The following PTPRQ variants were observed in gnomAD, a reference collection of about 807,000 sequenced individuals.
The protein encoded by PTPRQ is protein tyrosine phosphatase receptor type Q.
In PTPRQ, 199 loss-of-function variants were observed where a neutral mutation model predicts 246.0. The observed-to-expected ratio is 0.81, with a 90% confidence interval of 0.72 to 0.91. The LOEUF is 0.91. Ranked by LOEUF, PTPRQ falls within the 40% of genes least tolerant of loss-of-function variation. The pLI is 0.00. For synonymous variants in PTPRQ, 869 were observed against 853.2 expected, an observed-to-expected ratio of 1.02 and a Z score of -0.32; for missense variants, 2,624 against 2,528.4, an observed-to-expected ratio of 1.04 and a Z score of -0.81.
intron 10 of PTPRQ, among the ~76,000 whole-genome samples, chr12:80,494,447 CTTTA>C (rs1000914420): frequency 6.6e-5 from 10 of 152,050 alleles, no homozygotes; most frequent in Admixed American, 6.6e-5. Flanking sequence ...AAATAAAACT[CTTTA>C]TTTATTTAAC....
intron 26 of PTPRQ, among the ~76,000 whole-genome samples, chr12:80,600,812 T>C (rs1898117427): frequency 6.6e-6 from 1 of 151,818 alleles, no homozygotes; most frequent in South Asian, 2.1e-4. Context: ...GTCTTTTTGT[T>C]CACAATAGCC....
chr12:80,537,246 C>A (rs1012106038), intron 19 of PTPRQ, among the ~76,000 whole-genome samples: 4 of 152,184 alleles, frequency 2.6e-5, no homozygotes, highest in Non-Finnish European at 5.9e-5. Flanking sequence ...ACCTTCACTA[C>A]CTAATTTTCT....
intron 25 of PTPRQ, among the ~76,000 whole-genome samples, chr12:80,555,023 C>A (rs1042934348): frequency 6.6e-6 from 1 of 152,010 alleles, no homozygotes; most frequent in Non-Finnish European, 1.5e-5. Flanking sequence ...AAGCAATTCT[C>A]GTGCCTCAGG....
At chr12:80,450,977 G>A (rs966680517) in intron 3 of PTPRQ, among the ~76,000 whole-genome samples, 6 of 152,186 alleles carry the variant, frequency 3.9e-5, no homozygotes, top group African/African-American at 1.4e-4. Context: ...TTGTACCTCT[G>A]GTAGAATTCG....
In PTPRQ at chr12:80,616,225, C is replaced by T. The variant is rs149643103; in HGVS notation, c.5189C>T (p.Ala1730Val). ...GTTTACGCAGTCAATAGTGCTGGTGCAGGTCCAAAGGTTCCGATGAGAATA... is the reference window on the plus strand; with the variant it reads ...GTTTACGCAGTCAATAGTGCTGGTGTAGGTCCAAAGGTTCCGATGAGAATA... Reference protein sequence around the residue: ...ISVYAVNSAGAGPKVPMRITM... With the variant: ...ISVYAVNSAGVGPKVPMRITM... The change falls in exon 30 of 45, where the codon GCA becomes GTA. Residue 1730 changes from alanine (A) to valine (V), a missense_variant. Physicochemically the swap from Ala to Val is moderately conservative, Grantham distance 64. Coordinates refer to ENST00000644991, the MANE Select transcript of PTPRQ (RefSeq NM_001145026.2). 11 of 1,489,794 alleles carry T rather than the reference C, an allele frequency of 7.4e-6. No individual in the cohort carries two copies. In the African/African-American group the frequency reaches 1.4e-4, roughly 19 times the overall value. 92.3% of individuals were successfully genotyped at this position (1,489,794 alleles called of 1,614,324 possible).
chr12:80,569,932 G>A (rs537203747), intron 25 of PTPRQ, among the ~76,000 whole-genome samples: 60 of 151,738 alleles, frequency 4.0e-4, no homozygotes, highest in African/African-American at 1.2e-3. Context: ...TTATGGCTGC[G>A]TAGTATTCCA....
intron 25 of PTPRQ, among the ~76,000 whole-genome samples, chr12:80,569,933 T>C (rs1046119343): frequency 1.3e-5 from 2 of 152,216 alleles, no homozygotes; most frequent in Non-Finnish European, 2.9e-5. Flanking sequence ...TATGGCTGCG[T>C]AGTATTCCAT....
chr12:80,620,289 A>G lies in PTPRQ; in HGVS notation c.5525A>G (p.Tyr1842Cys). 3 of 1,549,644 alleles carry G rather than the reference A, an allele frequency of 1.9e-6. No homozygotes were observed. The highest frequency in any genetic ancestry group is 2.6e-6 in the Non-Finnish European group (3 of 1,145,626). ...AAGTTTAGTGGCAATGAAGAAATCT[A>G]CATCATAGGTGCTGATAATGCATGC... ...KTKFSGNEEI[Y>C]IIGADNACMI... is the part of the protein sequence containing the mutation. The change falls in exon 32 of 45, where the codon TAC (tyrosine) becomes TGC (cysteine). Residue 1842 changes from tyrosine to cysteine, a missense_variant. Tyr to Cys is a radical substitution (Grantham distance 194). Transcript: ENST00000644991.
chr12:80,534,225 A>G (rs751819133), intron 18 of PTPRQ, 50 bp downstream of exon 18: 17 of 1,413,996 alleles, frequency 1.2e-5, no homozygotes, highest in Middle Eastern at 1.8e-4. Flanking sequence ...TTCTTTAAAA[A>G]AAAAATCCTG....
chr12:80,643,755 T>G (rs1344198609), intron 35 of PTPRQ, among the ~76,000 whole-genome samples: 2 of 152,176 alleles, frequency 1.3e-5, no homozygotes, highest in African/African-American at 4.8e-5. Context: ...TAGATGTAAT[T>G]TATGTGTCAT....
At chr12:80,645,006 T>C (rs910981625) in intron 35 of PTPRQ, among the ~76,000 whole-genome samples, 2 of 152,080 alleles carry the variant, frequency 1.3e-5, no homozygotes, top group Non-Finnish European at 2.9e-5. Flanking sequence ...GTGACATAAG[T>C]ACAGACTAGA....
At chr12:80,597,690 C>T (rs865776338) in intron 26 of PTPRQ, among the ~76,000 whole-genome samples, 7 of 151,880 alleles carry the variant, frequency 4.6e-5, no homozygotes, top group African/African-American at 1.7e-4. Flanking sequence ...GGCATGTCGA[C>T]GTTATAGAGC....
At chr12:80,581,472 C>T (rs2120994625) in intron 25 of PTPRQ, among the ~76,000 whole-genome samples, 1 of 152,014 alleles carries the variant, frequency 6.6e-6, no homozygotes, top group Non-Finnish European at 1.5e-5. Context: ...TCCATCTCTA[C>T]AAAAAGTACG....
intron 28 of PTPRQ, among the ~76,000 whole-genome samples, chr12:80,612,417 C>T (rs769085436): frequency 2.7e-5 from 4 of 150,186 alleles, no homozygotes; most frequent in Non-Finnish European, 3.0e-5. Flanking sequence ...AAAATGACAA[C>T]ATAAGTTTTC....
At chr12:80,513,633 G>C (rs7310305) in intron 17 of PTPRQ, among the ~76,000 whole-genome samples, 134,398 of 152,004 alleles carry the variant, frequency 0.88, 60,025 homozygotes, top group Non-Finnish European at 0.93. Context: ...GGTGTGGGGC[G>C]CTAGGCAGAG....
intron 25 of PTPRQ, among the ~76,000 whole-genome samples, chr12:80,553,964 G>A (rs1896564808): frequency 6.6e-6 from 1 of 151,900 alleles, no homozygotes; most frequent in South Asian, 2.1e-4. Context: ...GGCACAGAAA[G>A]ACAAACTTCA....
intron 41 of PTPRQ, among the ~76,000 whole-genome samples, chr12:80,669,815 TCTC>T (rs1900911356): frequency 6.6e-6 from 1 of 152,040 alleles, no homozygotes; most frequent in Admixed American, 6.6e-5. Flanking sequence ...AAGTCACTCA[TCTC>T]CTGAATCCTA....
intron 35 of PTPRQ, among the ~76,000 whole-genome samples, chr12:80,638,267 T>TAAA (rs148232481): frequency 1.2e-3 from 173 of 138,626 alleles, no homozygotes; most frequent in African/African-American, 4.5e-3. Flanking sequence ...GAAACTCCGT[T>TAAA]AAAAAAAAAA....
At chr12:80,672,109 C>G (rs140177377) in intron 42 of PTPRQ, among the ~76,000 whole-genome samples, 27 of 151,992 alleles carry the variant, frequency 1.8e-4, no homozygotes, top group Non-Finnish European at 3.5e-4. Context: ...CCTCTATCTC[C>G]TTAACCTGAT....
Sources: gnomAD v4.1 joint callset for allele counts (sites outside exome capture counted in the v4.1 genomes callset) on GRCh38, gnomAD v4.1.1 for gene constraint, MANE v1.5 for transcripts, NCBI Gene and HGNC (gene_info 2026-07-23, HGNC 2026-07-21) for gene names.